The following USP4 variants were observed in gnomAD, a reference collection of about 807,000 sequenced individuals.
USP4 encodes ubiquitin carboxyl-terminal hydrolase 4.
Under a neutral mutation model 118.2 loss-of-function variants are expected in USP4, and 72 were observed. The ratio of observed to expected loss-of-function variants is 0.61; its 90% CI spans 0.50 to 0.74. USP4 has a LOEUF of 0.74. Among genes scored for constraint, USP4 ranks in the 30% least tolerant of loss-of-function variants. The pLI is 0.00. For synonymous variants in USP4, 415 were observed against 440.4 expected, an observed-to-expected ratio of 0.94 and a Z score of 0.72; for missense variants, 1,037 against 1,185.7, an observed-to-expected ratio of 0.87 and a Z score of 1.84.
In USP4 at chr3:49,286,841, T is replaced by C. The variant is rs1038987948; in HGVS notation, c.1973-516A>G. Among the ~76,000 whole-genome samples the C allele has an allele frequency of 1.9e-4, 29 of 151,430 alleles. 1 individual carries two copies. The highest frequency in any genetic ancestry group is 2.9e-5 in the Non-Finnish European group (2 of 67,934). On this transcript the variant is annotated intron_variant, in intron 15 of 21. Transcript: ENST00000265560. Reference sequence around the variant, plus strand: ...CTCTATCTATCTATCTATCTATCTATCTATCTATCTATCTATCTATCTATC... The same window carrying C: ...CTCTATCTATCTATCTATCTATCTACCTATCTATCTATCTATCTATCTATC...
At chr3:49,279,092 G>C (rs1211416270) in intron 20 of USP4, 190 bp from the exon 21 acceptor site, 1 of 371,410 alleles carries the variant, frequency 2.7e-6, no homozygotes. Flanking sequence ...TCTCAAAAAG[G>C]ATCAAAAGGC....
intron 6 of USP4, chr3:49,317,431 T>C: frequency 4.3e-6 from 4 of 929,056 alleles, no homozygotes; most frequent in Non-Finnish European, 6.9e-6. Flanking sequence ...CTTGTTGTCG[T>C]AGTTCTGCAG....
Position 49,280,761 on chromosome 3 carries a change from G to A in USP4, c.2627C>T (p.Ala876Val), listed in dbSNP as rs775772757. Residue 876 changes from alanine to valine, a missense_variant, in exon 20 of 22, where the codon GCC becomes GTC. Ala to Val is a moderately conservative substitution (Grantham distance 64). Transcript: ENST00000265560. ...ATACTTACAGTGGCCAACCCCCATG[G>A]CTCCATAATGATTGGACACGGCAAT... is the stretch of plus-strand genomic sequence containing the variant. ...DLIAVSNHYG[A>V]MGVGHYTAYA... is the part of the protein sequence containing the mutation. 8 of 1,613,864 alleles carry A rather than the reference G, an allele frequency of 5.0e-6. No individual in the cohort carries two copies. The South Asian group carries it at 5.5e-5, about 11-fold the overall frequency.
At chr3:49,339,841 GC>G (rs2047719046) in intron 1 of USP4, 82 bp downstream of exon 1, 1 of 1,152,950 alleles carries the variant, frequency 8.7e-7, no homozygotes, top group Non-Finnish European at 1.3e-6. Context: ...TCCCCGCCCA[GC>G]CCCTACTCTA....
chr3:49,309,928 G>A (rs891158217), intron 8 of USP4, among the ~76,000 whole-genome samples: 2 of 73,258 alleles, frequency 2.7e-5, no homozygotes, highest in Non-Finnish European at 2.7e-5. Flanking sequence ...TGCTGCCCCC[G>A]GACTTTTTTT....
chr3:49,330,331 G>A (rs1416207209), intron 2 of USP4, among the ~76,000 whole-genome samples: 1 of 151,178 alleles, frequency 6.6e-6, no homozygotes, highest in Non-Finnish European at 1.5e-5. Context: ...CAATGGAGCA[G>A]TAACTTTTTT....
In USP4 at chr3:49,330,767, T is replaced by C. The variant is rs568126488; in HGVS notation, c.230-2951A>G. On this transcript the variant is annotated intron_variant, in intron 2 of 21. Transcript: ENST00000265560. ...GGCTCCCACCTGTAATCCCAGCACT[T>C]TGAGAGGCCGAGATGGGTGGATCAC... Among the ~76,000 whole-genome samples, 28 of 151,272 alleles carry C rather than the reference T, an allele frequency of 1.9e-4. 1 individual carries two copies. The South Asian group carries it at 5.9e-3, about 32-fold the overall frequency.
At chr3:49,306,973 G>A (rs1450022107) in intron 8 of USP4, among the ~76,000 whole-genome samples, 1 of 151,610 alleles carries the variant, frequency 6.6e-6, no homozygotes, top group Non-Finnish European at 1.5e-5. Flanking sequence ...TAGTAGAGAT[G>A]GGGTTTCTCC....
chr3:49,329,433 C>A (rs1245229456), intron 2 of USP4, among the ~76,000 whole-genome samples: 7 of 152,050 alleles, frequency 4.6e-5, no homozygotes, highest in African/African-American at 1.7e-4. Flanking sequence ...GCAGGCCTTA[C>A]TCTATCACCC....
intron 10 of USP4, 85 bp from the exon 11 acceptor site, chr3:49,300,776 G>C: frequency 7.9e-7 from 1 of 1,260,496 alleles, no homozygotes; most frequent in South Asian, 1.3e-5. Context: ...CAAACCTGGA[G>C]ATGAATCAGG....
At chr3:49,329,774 A>T (rs1365997931) in intron 2 of USP4, among the ~76,000 whole-genome samples, 1 of 152,170 alleles carries the variant, frequency 6.6e-6, no homozygotes, top group Non-Finnish European at 1.5e-5. Context: ...ATTTGCCCAG[A>T]TCCTTCAGGA....
In USP4 at chr3:49,294,592, C is replaced by T. The variant is rs750905826; in HGVS notation, c.1698G>A (p.Glu566=). 6 of 1,613,216 alleles carry T rather than the reference C, an allele frequency of 3.7e-6. No homozygotes were observed. The highest frequency in any genetic ancestry group is 5.1e-6 in the Non-Finnish European group (6 of 1,179,506). ...IMPRDDIFVY[E]VCSTSVDGSE... ...AGCCATCCACGGAAGTGCTGCAGAC[C>T]TCGTACCTGCGTCAATCACACAAGA... Residue 566 remains glutamate (E), a synonymous_variant, in exon 14 of 22, where the codon GAG becomes GAA. Coordinates refer to ENST00000265560, the MANE Select transcript of USP4 (RefSeq NM_003363.4).
At chr3:49,293,274 A>C (rs2047169448) in intron 14 of USP4, among the ~76,000 whole-genome samples, 1 of 152,114 alleles carries the variant, frequency 6.6e-6, no homozygotes, top group African/African-American at 2.4e-5. Context: ...GCACTCTGGG[A>C]GGCTGAGATG....
At chr3:49,321,436 A>G (rs2047499664) in intron 6 of USP4, among the ~76,000 whole-genome samples, 2 of 151,752 alleles carry the variant, frequency 1.3e-5, no homozygotes, top group Non-Finnish European at 2.9e-5. Context: ...CTGGAATATT[A>G]TAGATACTAG....
intron 6 of USP4, among the ~76,000 whole-genome samples, chr3:49,323,125 G>T (rs139757763): frequency 3.8e-4 from 57 of 151,550 alleles, no homozygotes; most frequent in African/African-American, 1.4e-3. Flanking sequence ...GCACCACCAC[G>T]CCTGGCTAAT....
At chr3:49,316,334 C>A (rs574727048) in intron 6 of USP4, among the ~76,000 whole-genome samples, 36 of 152,212 alleles carry the variant, frequency 2.4e-4, no homozygotes, top group African/African-American at 8.2e-4. Context: ...GTCACCCAGG[C>A]TGGAGTGCAG....
At chr3:49,283,231 G>A (rs1038049178) in intron 19 of USP4, among the ~76,000 whole-genome samples, 1 of 148,032 alleles carries the variant, frequency 6.8e-6, no homozygotes, top group East Asian at 2.0e-4. Flanking sequence ...GGCCAGGATG[G>A]TCTCGATCTC....
In USP4 at chr3:49,298,568, C is replaced by T; in HGVS notation, c.1580G>A (p.Gly527Asp). 12 of 1,614,146 alleles carry T rather than the reference C, an allele frequency of 7.4e-6. No individual in the cohort carries two copies. Among genetic ancestry groups the T allele is most frequent in the Non-Finnish European group, 1.0e-5 (12 of 1,180,004 alleles). The change falls in exon 12 of 22, where the codon GGC (glycine) becomes GAC (aspartate). Residue 527 changes from glycine to aspartate, a missense_variant. Coordinates refer to ENST00000265560, the MANE Select transcript of USP4 (RefSeq NM_003363.4). ...DLCEALSRLS[G>D]IAAENMVVAD... Reference sequence around the variant, plus strand: ...CCGCCTTACATTTTCTGCAGCAATGCCAGACAGCCTGGAGAGAGCCTCGCA... The same window carrying T: ...CCGCCTTACATTTTCTGCAGCAATGTCAGACAGCCTGGAGAGAGCCTCGCA...
At chr3:49,318,304 C>T (rs752377307) in intron 6 of USP4, 43 of 985,222 alleles carry the variant, frequency 4.4e-5, no homozygotes, top group Non-Finnish European at 4.7e-5. Context: ...TACTTGCTGC[C>T]TTACCAAAAG....
Sources: gnomAD v4.1 joint callset for allele counts (sites outside exome capture counted in the v4.1 genomes callset) on GRCh38, gnomAD v4.1.1 for gene constraint, MANE v1.5 for transcripts, NCBI Gene and HGNC (gene_info 2026-07-23, HGNC 2026-07-21) for gene names.